Variants in STXBP4 observed in about 807,000 individuals in gnomAD.
The protein encoded by STXBP4 is syntaxin-binding protein 4.
STXBP4 carries 55 observed loss-of-function variants against 76.1 expected under a neutral mutation model. The ratio of observed to expected loss-of-function variants is 0.72; its 90% CI spans 0.58 to 0.91. The LOEUF is 0.91. STXBP4 is among the 40% of genes least tolerant of loss of function. The pLI, the probability that STXBP4 is intolerant of heterozygous loss-of-function variation, is 0.00. For missense variants in STXBP4, 618 were observed against 636.9 expected (o/e 0.97, Z 0.32); for synonymous variants, 201 against 220.2 (o/e 0.91, Z 0.77).
At chr17:55,188,382 C>A in the STXBP4 span, among the ~76,000 whole-genome samples, 1 of 152,184 alleles carries the variant, frequency 6.6e-6, no homozygotes, top group Non-Finnish European at 1.5e-5. Context: ...GGAGAGCCAG[C>A]ATTTAAAAGA....
At chr17:55,004,427 C>G (rs1416523089) in intron 7 of STXBP4, among the ~76,000 whole-genome samples, 1 of 152,028 alleles carries the variant, frequency 6.6e-6, no homozygotes, top group African/African-American at 2.4e-5. Flanking sequence ...AGAGGCCAGG[C>G]ATGGTGGCTC....
chr17:55,183,188 A>T, the STXBP4 span, among the ~76,000 whole-genome samples: 1 of 152,354 alleles, frequency 6.6e-6, no homozygotes, highest in East Asian at 1.9e-4. Context: ...AAAAACTACC[A>T]AGCAGCATTA....
the STXBP4 span, among the ~76,000 whole-genome samples, chr17:55,202,026 A>G: frequency 6.6e-6 from 1 of 152,140 alleles, no homozygotes; most frequent in East Asian, 1.9e-4. Flanking sequence ...TTTATTCTTT[A>G]GTATCATTTA....
chr17:55,065,787 C>T (rs980078676), intron 12 of STXBP4, among the ~76,000 whole-genome samples: 3 of 152,080 alleles, frequency 2.0e-5, no homozygotes, highest in Non-Finnish European at 4.4e-5. Context: ...TTAGGGACTT[C>T]TGTTTATAAA....
chr17:55,120,685 T>G (rs2079834069), intron 16 of STXBP4, among the ~76,000 whole-genome samples: 1 of 152,348 alleles, frequency 6.6e-6, no homozygotes, highest in Non-Finnish European at 1.5e-5. Flanking sequence ...AAATGGCTGC[T>G]GCAGAGCATT....
chr17:55,174,049 T>C (rs1172587307), downstream of STXBP4, among the ~76,000 whole-genome samples: 1 of 152,222 alleles, frequency 6.6e-6, no homozygotes, highest in Non-Finnish European at 1.5e-5. Flanking sequence ...GACCCAACCA[T>C]GAAAGGTTAT....
At chr17:55,211,859 G>A in the STXBP4 span, among the ~76,000 whole-genome samples, 7,104 of 139,560 alleles carry the variant, frequency 0.051, 363 homozygotes, top group East Asian at 0.25. Context: ...CCAGGCTGGA[G>A]TGGTGCAGTG....
At chr17:55,062,488 C>T (rs1363994723) in intron 12 of STXBP4, among the ~76,000 whole-genome samples, 2 of 152,118 alleles carry the variant, frequency 1.3e-5, no homozygotes, top group African/African-American at 4.8e-5. Flanking sequence ...TCCAGTCTAT[C>T]ATTGATGGGC....
At chr17:55,208,321 G>A in the STXBP4 span, among the ~76,000 whole-genome samples, 1 of 152,020 alleles carries the variant, frequency 6.6e-6, no homozygotes, top group African/African-American at 2.4e-5. Flanking sequence ...CTGCTTTTGT[G>A]CACCTGTTGC....
the STXBP4 span, among the ~76,000 whole-genome samples, chr17:55,185,228 CTTCTTCTTCTT>C: frequency 2.2e-5 from 1 of 44,478 alleles, no homozygotes; most frequent in South Asian, 7.8e-4. Context: ...TCTTCTTCTT[CTTCTTCTTCTT>C]CTTCTTCTTC....
At chr17:55,130,745 T>C (rs1353347717) in intron 16 of STXBP4, among the ~76,000 whole-genome samples, 1 of 152,166 alleles carries the variant, frequency 6.6e-6, no homozygotes, top group Non-Finnish European at 1.5e-5. Flanking sequence ...ACTTTTTAGG[T>C]TTCACGTATA....
chr17:55,154,642 T>C (rs2145184177), intron 17 of STXBP4, among the ~76,000 whole-genome samples: 2 of 152,128 alleles, frequency 1.3e-5, no homozygotes, highest in East Asian at 3.8e-4. Flanking sequence ...ATTAATTATA[T>C]TGGCTTTGTA....
chr17:55,100,254 T>G (rs1190470013), intron 16 of STXBP4, among the ~76,000 whole-genome samples: 3 of 152,234 alleles, frequency 2.0e-5, no homozygotes, highest in African/African-American at 7.2e-5. Context: ...ACAGACTCCA[T>G]GGGCACAGTT....
At position 55,088,818 on chromosome 17, in the gene STXBP4, C is replaced by T. The variant is rs190086782; in HGVS notation, c.1489+7635C>T. Among the ~76,000 whole-genome samples the T allele has an allele frequency of 7.9e-5, 12 of 152,214 alleles. No individual in the cohort carries two copies. The East Asian group carries it at 1.4e-3, about 17-fold the overall frequency. Reference sequence around the variant, plus strand: ...CCATTTTCAGAGTATTTATGAACCCCGACCTAGGACTCTCCCATGTATAAG... The same window carrying T: ...CCATTTTCAGAGTATTTATGAACCCTGACCTAGGACTCTCCCATGTATAAG... On this transcript the variant is annotated intron_variant, in intron 16 of 17. Transcript: ENST00000376352.
At chr17:55,065,980 G>A (rs1598280853) in intron 12 of STXBP4, among the ~76,000 whole-genome samples, 1 of 152,206 alleles carries the variant, frequency 6.6e-6, no homozygotes, top group East Asian at 1.9e-4. Context: ...ATCTTTCTTT[G>A]CAAAATGAGC....
intron 1 of STXBP4, among the ~76,000 whole-genome samples, chr17:54,984,442 A>C (rs893980193): frequency 7.0e-6 from 1 of 142,866 alleles, no homozygotes; most frequent in East Asian, 2.1e-4. Flanking sequence ...TCCCAGGTTC[A>C]CGCCATTCTC....
intron 12 of STXBP4, among the ~76,000 whole-genome samples, chr17:55,066,149 T>C (rs936190469): frequency 6.6e-6 from 1 of 152,224 alleles, no homozygotes; most frequent in African/African-American, 2.4e-5. Context: ...TATTTAGTCT[T>C]AGAGAACATG....
intron 11 of STXBP4, among the ~76,000 whole-genome samples, chr17:55,046,137 A>G (rs2144756160): frequency 6.6e-6 from 1 of 152,194 alleles, no homozygotes; most frequent in East Asian, 1.9e-4. Flanking sequence ...CTGCTTTGCA[A>G]AGGTGAATGG....
At chr17:55,195,363 C>A in the STXBP4 span, among the ~76,000 whole-genome samples, 1 of 152,328 alleles carries the variant, frequency 6.6e-6, no homozygotes, top group South Asian at 2.1e-4. Context: ...AACATTGTTT[C>A]CCTTTTATAT....
Sources: gnomAD v4.1 joint callset for allele counts (sites outside exome capture counted in the v4.1 genomes callset) on GRCh38, gnomAD v4.1.1 for gene constraint, MANE v1.5 for transcripts, NCBI Gene and HGNC (gene_info 2026-07-23, HGNC 2026-07-21) for gene names.